Variants in KCNQ5 observed in about 807,000 individuals in gnomAD.
KCNQ5 encodes the protein potassium voltage-gated channel subfamily Q member 5.
KCNQ5 carries 30 observed loss-of-function variants against 98.2 expected under a neutral mutation model. The ratio of observed to expected loss-of-function variants is 0.31; its 90% CI spans 0.23 to 0.41. The LOEUF (loss-of-function observed/expected upper bound fraction) is 0.41, where lower values mean the gene tolerates loss of function less well. Among genes scored for constraint, KCNQ5 ranks in the 10% least tolerant of loss-of-function variants. KCNQ5 has a pLI of 1.00. For missense variants in KCNQ5, 835 were observed against 1,182.5 expected (o/e 0.71, Z 4.31); for synonymous variants, 458 against 449.4 (o/e 1.02, Z -0.24).
chr6:73,148,707 C>G (rs1573057), intron 10 of KCNQ5, among the ~76,000 whole-genome samples: 33,818 of 152,090 alleles, frequency 0.22, 9,023 homozygotes, highest in African/African-American at 0.63. Flanking sequence ...ATATAGTTTT[C>G]TGAGATAAGG....
At chr6:72,949,355 G>C (rs1766693152) in intron 1 of KCNQ5, among the ~76,000 whole-genome samples, 1 of 152,186 alleles carries the variant, frequency 6.6e-6, no homozygotes, top group African/African-American at 2.4e-5. Flanking sequence ...GCTAAGTGGA[G>C]CAAGATCCTT....
chr6:72,924,344 A>C (rs1780532031), intron 1 of KCNQ5, among the ~76,000 whole-genome samples: 1 of 152,236 alleles, frequency 6.6e-6, no homozygotes, highest in Admixed American at 6.5e-5. Flanking sequence ...TTTTCTGAAC[A>C]GAAATTAATA....
intron 5 of KCNQ5, among the ~76,000 whole-genome samples, chr6:73,101,094 TC>T: frequency 6.6e-6 from 1 of 152,178 alleles, no homozygotes; most frequent in East Asian, 1.9e-4. Flanking sequence ...CTCAAACTAT[TC>T]CAAAAAGTAG....
At chr6:73,145,869 T>G (rs1776899906) in intron 10 of KCNQ5, among the ~76,000 whole-genome samples, 1 of 152,090 alleles carries the variant, frequency 6.6e-6, no homozygotes, top group Non-Finnish European at 1.5e-5. Flanking sequence ...AAACTTACAG[T>G]CATGTCAGAA....
intron 1 of KCNQ5, among the ~76,000 whole-genome samples, chr6:72,627,361 G>A (rs2098918464): frequency 6.6e-6 from 1 of 152,152 alleles, no homozygotes; most frequent in Non-Finnish European, 1.5e-5. Flanking sequence ...AAAAGTAAGA[G>A]CCAATGGAAG....
chr6:72,763,794 T>C (rs970056031), intron 1 of KCNQ5, among the ~76,000 whole-genome samples: 2 of 151,880 alleles, frequency 1.3e-5, no homozygotes, highest in African/African-American at 4.8e-5. Context: ...AAGTAGTCCC[T>C]TGAGGGGTAA....
chr6:72,641,646 G>A lies in KCNQ5; in HGVS notation c.398+19059G>A, dbSNP rs185001720. 2.6e-5 allele frequency among the ~76,000 whole-genome samples: 4 copies of A among 152,030 alleles called. No homozygotes were observed. The East Asian group carries it at 7.7e-4, about 29-fold the overall frequency. On this transcript the variant is annotated intron_variant, in intron 1 of 13. Transcript: ENST00000370398. ...AATGGTTAAAATTAATGTGAATTTG[G>A]TTCTCCCTCCTCATATTTGTCTATA...
At chr6:72,691,809 T>C (rs749341111) in intron 1 of KCNQ5, among the ~76,000 whole-genome samples, 2 of 152,204 alleles carry the variant, frequency 1.3e-5, no homozygotes, top group African/African-American at 2.4e-5. Context: ...TCATTAGTTC[T>C]TAGTGGATTT....
chr6:72,977,285 G>C (rs1243610667), intron 1 of KCNQ5, among the ~76,000 whole-genome samples: 1 of 152,168 alleles, frequency 6.6e-6, no homozygotes, highest in Non-Finnish European at 1.5e-5. Flanking sequence ...CATCTGACTT[G>C]CAGACTGTGG....
At chr6:73,030,547 G>A (rs1771098143) in intron 2 of KCNQ5, among the ~76,000 whole-genome samples, 1 of 152,194 alleles carries the variant, frequency 6.6e-6, no homozygotes, top group South Asian at 2.1e-4. Flanking sequence ...ATAATCTTAG[G>A]TAATAAAATG....
Position 72,926,300 on chromosome 6 carries a change from A to G in KCNQ5, c.399-77608A>G, listed in dbSNP as rs1765416021. ...ACTGCTGCAAGGAATCAGCTCATGA[A>G]AAGTTATACTGCATTAAAAACTAGC... On this transcript the variant is annotated intron_variant, in intron 1 of 13. Transcript: ENST00000370398. Among the ~76,000 whole-genome samples, 5 of 152,284 alleles carry G rather than the reference A, an allele frequency of 3.3e-5. 1 individual carries two copies. The South Asian group carries it at 1.0e-3, about 32-fold the overall frequency.
intron 1 of KCNQ5, among the ~76,000 whole-genome samples, chr6:72,972,654 C>G (rs562911128): frequency 3.9e-4 from 59 of 152,190 alleles, no homozygotes; most frequent in Non-Finnish European, 7.5e-4. Flanking sequence ...TCATTCATGT[C>G]CCTGCAAAGG....
intron 10 of KCNQ5, among the ~76,000 whole-genome samples, chr6:73,154,290 A>G (rs1032449323): frequency 2.0e-5 from 3 of 152,178 alleles, no homozygotes; most frequent in African/African-American, 7.2e-5. Flanking sequence ...ATCTCCTAAG[A>G]TTCAGAATTG....
At chr6:73,121,235 A>T (rs897782300) in intron 8 of KCNQ5, among the ~76,000 whole-genome samples, 3 of 152,164 alleles carry the variant, frequency 2.0e-5, no homozygotes, top group Admixed American at 2.0e-4. Context: ...AACTCAAAGA[A>T]AATGGGGAAG....
At chr6:73,037,301 C>A (rs1219803752) in intron 2 of KCNQ5, among the ~76,000 whole-genome samples, 3 of 152,118 alleles carry the variant, frequency 2.0e-5, no homozygotes, top group African/African-American at 7.2e-5. Context: ...CAAACATTTT[C>A]TCCCAGTCTA....
intron 1 of KCNQ5, among the ~76,000 whole-genome samples, chr6:72,635,858 A>G (rs964683458): frequency 6.6e-6 from 1 of 151,726 alleles, no homozygotes; most frequent in Non-Finnish European, 1.5e-5. Flanking sequence ...TGGGTACCTA[A>G]TTTACATATT....
At chr6:72,816,885 C>A (rs1775528647) in intron 1 of KCNQ5, among the ~76,000 whole-genome samples, 1 of 152,192 alleles carries the variant, frequency 6.6e-6, no homozygotes. Flanking sequence ...GGAAACTAGA[C>A]TCTCAGTAGT....
At chr6:72,700,433 A>G (rs1278500459) in intron 1 of KCNQ5, among the ~76,000 whole-genome samples, 3 of 152,158 alleles carry the variant, frequency 2.0e-5, no homozygotes, top group South Asian at 2.1e-4. Flanking sequence ...GGCCCATTCA[A>G]CTTTCTCCCA....
In KCNQ5 at chr6:73,062,689, G is replaced by A. The variant is rs569725765; in HGVS notation, c.617-14633G>A. Reference sequence around the variant, plus strand: ...TTTGCCTGCATTTTTTAATCTAATTGCTTCAATTATTTTATTTGGTCATGG... The same window carrying A: ...TTTGCCTGCATTTTTTAATCTAATTACTTCAATTATTTTATTTGGTCATGG... On this transcript the variant is annotated intron_variant, in intron 3 of 13. Coordinates refer to ENST00000370398, the MANE Select transcript of KCNQ5 (RefSeq NM_019842.4). Among the ~76,000 whole-genome samples the A allele has an allele frequency of 7.9e-5, 12 of 152,100 alleles. No homozygotes were observed. In the East Asian group the frequency reaches 2.3e-3, roughly 29 times the overall value.
Sources: gnomAD v4.1 joint callset for allele counts (sites outside exome capture counted in the v4.1 genomes callset) on GRCh38, gnomAD v4.1.1 for gene constraint, MANE v1.5 for transcripts, NCBI Gene and HGNC (gene_info 2026-07-23, HGNC 2026-07-21) for gene names.